The following SH3RF1 variants were observed in gnomAD, a reference collection of about 807,000 sequenced individuals.
SH3RF1 encodes the protein SH3 domain containing ring finger 1.
A neutral mutation model predicts 74.0 loss-of-function variants in SH3RF1; 32 were observed. The observed-to-expected ratio is 0.43, with a 90% CI of 0.33 to 0.58. The LOEUF (loss-of-function observed/expected upper bound fraction) is 0.58. Among genes scored for constraint, SH3RF1 ranks in the 20% least tolerant of loss-of-function variants. The probability of loss-of-function intolerance (pLI) is 0.05; values close to 1 mark genes in which losing one functional copy is unlikely to be tolerated. For missense variants in SH3RF1, 954 were observed against 1,130.9 expected (o/e 0.84, Z 2.24); for synonymous variants, 396 against 439.6 (o/e 0.90, Z 1.24).
intron 1 of SH3RF1, chr4:169,270,002 T>C (rs1482230278): frequency 6.6e-6 from 1 of 152,238 alleles, no homozygotes; most frequent in Non-Finnish European, 1.5e-5. Flanking sequence ...TCAGAAAAGC[T>C]GGCAAAATTA....
rs1732889373 is a variant in SH3RF1 at position 169,094,958 on chromosome 4, G to A, written c.*1561C>T. 6.6e-6 allele frequency: 1 copy of A among 152,156 alleles called. No homozygotes were observed. The highest frequency in any genetic ancestry group is 2.4e-5 in the African/African-American group (1 of 41,352). 9.4% of individuals were successfully genotyped at this position (152,156 alleles called of 1,614,324 possible). On this transcript the variant is annotated 3_prime_UTR_variant, in exon 12 of 12. Coordinates refer to ENST00000284637, the MANE Select transcript of SH3RF1 (RefSeq NM_020870.4). ...AGGGTTTATTATGTATTTCCCATGA[G>A]AAAACTGTGGTAAGGATCTTATTCA...
intron 8 of SH3RF1, among the ~76,000 whole-genome samples, chr4:169,119,304 T>C (rs1016352348): frequency 6.9e-6 from 1 of 143,954 alleles, no homozygotes; most frequent in African/African-American, 2.6e-5. Context: ...TTTTTTTTTT[T>C]AGTAGAGATG....
At chr4:169,191,381 A>G (rs1734706482) in intron 2 of SH3RF1, among the ~76,000 whole-genome samples, 2 of 152,116 alleles carry the variant, frequency 1.3e-5, no homozygotes, top group African/African-American at 4.8e-5. Flanking sequence ...AACGCTGCTA[A>G]AAGAAATCAT....
chr4:169,213,188 C>T (rs1730408996), intron 2 of SH3RF1, among the ~76,000 whole-genome samples: 1 of 152,210 alleles, frequency 6.6e-6, no homozygotes, highest in African/African-American at 2.4e-5. Flanking sequence ...CACATTCTCA[C>T]CAGCATTTAG....
chr4:169,148,739 C>A (rs867495874), intron 4 of SH3RF1, among the ~76,000 whole-genome samples: 1 of 151,968 alleles, frequency 6.6e-6, no homozygotes. Context: ...GGTTCTGTTT[C>A]ATAGAATTTG....
chr4:169,226,024 T>C (rs946494217), intron 2 of SH3RF1, among the ~76,000 whole-genome samples: 5 of 152,134 alleles, frequency 3.3e-5, no homozygotes, highest in African/African-American at 9.7e-5. Flanking sequence ...AAAGCTATTA[T>C]ATATATAGCA....
intron 2 of SH3RF1, chr4:169,217,119 T>C (rs1207072211): frequency 6.8e-6 from 1 of 147,620 alleles, no homozygotes; most frequent in Non-Finnish European, 1.5e-5. Flanking sequence ...GCCAAGACCA[T>C]GCTATTGCAC....
chr4:169,136,637 C>CA lies in SH3RF1; in HGVS notation c.766-18dup, dbSNP rs777738153. ...CGAGTTAAACTGCAAAAGCAACCAA[C>CA]AAACCAACACAAGAAGGTTAAACAA... On this transcript the variant is annotated splice_polypyrimidine_tract_variant and intron_variant, in intron 4 of 11. Coordinates refer to ENST00000284637, the MANE Select transcript of SH3RF1 (RefSeq NM_020870.4). 3 of 1,478,364 alleles carry CA rather than the reference C, an allele frequency of 2.0e-6. No homozygotes were observed. In the African/African-American group the frequency reaches 4.3e-5, roughly 21 times the overall value. 91.6% of individuals were successfully genotyped at this position (1,478,364 alleles called of 1,614,324 possible).
intron 2 of SH3RF1, among the ~76,000 whole-genome samples, chr4:169,183,020 C>A (rs1044224591): frequency 1.3e-5 from 2 of 151,912 alleles, no homozygotes; most frequent in Non-Finnish European, 2.9e-5. Flanking sequence ...GGAGTTGGGG[C>A]GGGGTGCGGG....
chr4:169,147,039 T>C (rs142222321), intron 4 of SH3RF1, among the ~76,000 whole-genome samples: 305 of 152,312 alleles, frequency 2.0e-3, no homozygotes, highest in African/African-American at 6.5e-3. Context: ...CCTATTACTT[T>C]TGGAGCAACA....
intron 11 of SH3RF1, 128 bp downstream of exon 11, chr4:169,106,719 A>C: frequency 1.3e-6 from 1 of 776,044 alleles, no homozygotes; most frequent in Admixed American, 3.1e-5. Flanking sequence ...TTCAGTGCTT[A>C]TTTTCATAAG....
intron 11 of SH3RF1, 74 bp downstream of exon 11, chr4:169,106,773 A>G: frequency 8.2e-7 from 1 of 1,218,714 alleles, no homozygotes; most frequent in Non-Finnish European, 1.1e-6. Flanking sequence ...AACATCTTAA[A>G]TATCACAATA....
At chr4:169,178,368 ATTGT>A (rs1561045497) in intron 2 of SH3RF1, among the ~76,000 whole-genome samples, 25 of 151,052 alleles carry the variant, frequency 1.7e-4, no homozygotes, top group African/African-American at 2.4e-4. Flanking sequence ...AAAAATAAGC[ATTGT>A]TATGTTTTGA....
At chr4:169,098,108 T>A (rs1457783948) in intron 11 of SH3RF1, among the ~76,000 whole-genome samples, 1 of 152,252 alleles carries the variant, frequency 6.6e-6, no homozygotes, top group Non-Finnish European at 1.5e-5. Flanking sequence ...TCCATAATTA[T>A]GTGACCCACA....
Position 169,096,406 on chromosome 4 carries a change from C to A in SH3RF1, c.*113G>T, listed in dbSNP as rs1210940815. On this transcript the variant is annotated 3_prime_UTR_variant, in exon 12 of 12. Transcript: ENST00000284637. ...TGGGGCATCAGAGTCACATACCAAT[C>A]CTTTGCTCATCTCCTGACCATCTGG... The A allele has an allele frequency of 5.3e-6, 6 of 1,134,092 alleles. No individual in the cohort carries two copies. Among genetic ancestry groups the A allele is most frequent in the Non-Finnish European group, 7.6e-6 (6 of 791,652 alleles). The allele number at this position is 1,134,092 out of a possible 1,614,324, so 70.3% of individuals were successfully genotyped here. A position where few individuals can be genotyped will look rare whatever the true frequency, so the allele number is the denominator to read the frequency against.
At chr4:169,215,240 T>C (rs1281976172) in intron 2 of SH3RF1, among the ~76,000 whole-genome samples, 1 of 152,340 alleles carries the variant, frequency 6.6e-6, no homozygotes, top group Admixed American at 6.5e-5. Context: ...AGTTTGTTGC[T>C]GTGATGGATT....
At chr4:169,128,483 G>C (rs1424435200) in intron 6 of SH3RF1, among the ~76,000 whole-genome samples, 2 of 152,120 alleles carry the variant, frequency 1.3e-5, no homozygotes, top group Non-Finnish European at 2.9e-5. Flanking sequence ...AACATTATTA[G>C]CTTCCATTTA....
intron 2 of SH3RF1, among the ~76,000 whole-genome samples, chr4:169,175,709 A>G (rs1734408885): frequency 1.3e-5 from 2 of 152,118 alleles, no homozygotes; most frequent in Admixed American, 1.3e-4. Flanking sequence ...CAAAACCACT[A>G]GACCATAAGC....
chr4:169,139,152 A>G (rs1733744971), intron 4 of SH3RF1, among the ~76,000 whole-genome samples: 1 of 152,158 alleles, frequency 6.6e-6, no homozygotes. Context: ...TATGATATCT[A>G]GCTGGTGTCG....
Sources: allele counts gnomAD v4.1 joint callset (sites outside exome capture counted in the v4.1 genomes callset), GRCh38; gene constraint gnomAD v4.1.1; transcripts MANE v1.5; gene names NCBI Gene and HGNC (gene_info 2026-07-23, HGNC 2026-07-21).